Variants in ANKRD52 observed in about 807,000 individuals in gnomAD.
ANKRD52 encodes the protein serine/threonine-protein phosphatase 6 regulatory ankyrin repeat subunit C.
ANKRD52 carries 7 observed loss-of-function variants against 116.0 expected under a neutral mutation model. The ratio of observed to expected loss-of-function variants is 0.06; its 90% CI spans 0.03 to 0.11. The LOEUF is 0.11. Among genes scored for constraint, ANKRD52 ranks in the 10% least tolerant of loss-of-function variants. The pLI is 1.00. For missense variants in ANKRD52, 839 were observed against 1,408.6 expected (o/e 0.60, Z 6.47); for synonymous variants, 528 against 578.1 (o/e 0.91, Z 1.24).
At position 56,247,559 on chromosome 12, in the gene ANKRD52, C is replaced by G. The variant is rs537282082; in HGVS notation, c.2118G>C (p.Leu706=). Residue 706 remains leucine, a synonymous_variant, in exon 20 of 28, where the codon CTG becomes CTC. Transcript: ENST00000267116. ...IMNGHVDCVH[L]LLEKGSTADA... ...CAGCTGTGGATCCTTTCTCTAGCAG[C>G]AGATGTACACAGTCCACATGGCCAT... 1 of 1,596,452 alleles carries G rather than the reference C, an allele frequency of 6.3e-7. No individual in the cohort carries two copies. The highest frequency in any genetic ancestry group is 1.3e-5 in the African/African-American group (1 of 74,754).
Position 56,242,101 on chromosome 12 carries a change from G to A in ANKRD52, c.*1041C>T. 2.5e-6 allele frequency: 1 copy of A among 398,680 alleles called. No homozygotes were observed. The highest frequency in any genetic ancestry group is 4.4e-6 in the Non-Finnish European group (1 of 226,134). 24.7% of individuals were successfully genotyped at this position (398,680 alleles called of 1,614,324 possible). On this transcript the variant is annotated 3_prime_UTR_variant, in exon 28 of 28. Coordinates refer to ENST00000267116, the MANE Select transcript of ANKRD52 (RefSeq NM_173595.4). This position sits in a 1 kb window ranked among gnomAD's most constrained non-coding sequence, Gnocchi z 4.3. ...GTACTCTTGGACATAACGGAAGGTG[G>A]AGGCAGATAGGGAGCACAGATAAAC...
chr12:56,253,987 A>G lies in ANKRD52; in HGVS notation c.906+80T>C, dbSNP rs1343575501. The G allele has an allele frequency of 6.8e-5, 98 of 1,450,454 alleles. No homozygotes were observed. The highest frequency in any genetic ancestry group is 9.0e-5 in the Non-Finnish European group (95 of 1,049,784). 89.8% of individuals were successfully genotyped at this position (1,450,454 alleles called of 1,614,324 possible). On this transcript the variant is annotated intron_variant, in intron 8 of 27. Transcript: ENST00000267116. The surrounding 1 kb of genome is among the most constrained non-coding windows in gnomAD (Gnocchi z 5.5). ...TAGGAAGCAAGTGGATAATTCCCCA[A>G]GAGAGCTATCCAGATACAGTCAGGA...
At position 56,247,719 on chromosome 12, in the gene ANKRD52, A is replaced by G. The variant is rs1215280156; in HGVS notation, c.2034T>C (p.Ala678=). 9 of 1,612,540 alleles carry G rather than the reference A, an allele frequency of 5.6e-6. No homozygotes were observed. Residue 678 remains alanine (A), a synonymous_variant, in exon 19 of 28, where the codon GCT becomes GCC. Coordinates refer to ENST00000267116, the MANE Select transcript of ANKRD52 (RefSeq NM_173595.4). ...AGGCATCCATGACATCTGTGATGTC[A>G]GCTCGTTCCCCACTGTCGATCAGCA... The part of the protein sequence containing the change: ...LHLLIDSGER[A]DITDVMDAYG...
Position 56,252,566 on chromosome 12 carries a change from C to G in ANKRD52, c.1306G>C (p.Val436Leu), listed in dbSNP as rs779484647. 26 of 1,613,798 alleles carry G rather than the reference C, an allele frequency of 1.6e-5. No homozygotes were observed. The highest frequency in any genetic ancestry group is 2.1e-5 in the Non-Finnish European group (25 of 1,179,852). ...CLHAAASGGN[V>L]ECLNLLLSSG... ...CTCAACAGCAAATTAAGACATTCAA[C>G]ATTCCTAAAAGAAAGATGTGTTAAG... The change falls in exon 13 of 28, where the codon GTT becomes CTT. Residue 436 changes from valine to leucine, a missense_variant. Transcript: ENST00000267116. This position sits in a 1 kb window ranked among gnomAD's most constrained non-coding sequence, Gnocchi z 4.7.
rs1355981797 is a variant in ANKRD52, at chr12:56,240,047, C to T, written c.*3095G>A. On this transcript the variant is annotated 3_prime_UTR_variant, in exon 28 of 28. Transcript: ENST00000267116. The surrounding 1 kb of genome is among the most constrained non-coding windows in gnomAD (Gnocchi z 4.2). The stretch of plus-strand genomic sequence containing the variant: ...AGCACCAAACAAAAGGAGAAGCCCC[C>T]TCCCCCAGGGGCTGCTCCCCACCCC... The T allele has an allele frequency of 6.6e-6, 1 of 152,154 alleles. No individual in the cohort carries two copies. The highest frequency in any genetic ancestry group is 1.5e-5 in the Non-Finnish European group (1 of 68,094). The allele number at this position is 152,154 out of a possible 1,614,324, so 9.4% of individuals were successfully genotyped here.
Position 56,247,591 on chromosome 12 carries a change from T to C in ANKRD52, c.2086A>G (p.Ile696Val). The change falls in exon 20 of 28, where the codon ATC becomes GTC. Residue 696 changes from isoleucine to valine, a missense_variant. By Grantham distance (29) the Ile-to-Val change is conservative. Coordinates refer to ENST00000267116, the MANE Select transcript of ANKRD52 (RefSeq NM_173595.4). ...ACACAGTCCACATGGCCATTCATGA[T>C]GGCCAGCATCAGTGGGGTCCTACAG... ...AYGQTPLMLA[I>V]MNGHVDCVHL... The C allele has an allele frequency of 6.3e-7, 1 of 1,593,386 alleles. No homozygotes were observed. Among genetic ancestry groups the C allele is most frequent in the Non-Finnish European group, 8.6e-7 (1 of 1,169,116 alleles).
intron 15 of ANKRD52, among the ~76,000 whole-genome samples, chr12:56,251,056 T>G (rs1871664357): frequency 6.6e-6 from 1 of 152,064 alleles, no homozygotes; most frequent in African/African-American, 2.4e-5. Context: ...TTCTCCTGCC[T>G]TAGCCACCCG....
In ANKRD52 at chr12:56,242,852, T is replaced by A. The variant is rs1329009667; in HGVS notation, c.*290A>T. 2.7e-6 allele frequency: 1 copy of A among 377,068 alleles called. No homozygotes were observed. Among genetic ancestry groups the A allele is most frequent in the Non-Finnish European group, 4.8e-6 (1 of 208,322 alleles). The allele number at this position is 377,068 out of a possible 1,614,324, so 23.4% of individuals were successfully genotyped here. A position where few individuals can be genotyped will look rare whatever the true frequency, so the allele number is the denominator to read the frequency against. On this transcript the variant is annotated 3_prime_UTR_variant, in exon 28 of 28. Coordinates refer to ENST00000267116, the MANE Select transcript of ANKRD52 (RefSeq NM_173595.4). This position sits in a 1 kb window ranked among gnomAD's most constrained non-coding sequence, Gnocchi z 4.3. Reference sequence around the variant, plus strand: ...GCAGCAGAAAGAGGGAACCAAGAGATGGAGTCAAAGAGTGGGGGAGCCAGG... The same window carrying A: ...GCAGCAGAAAGAGGGAACCAAGAGAAGGAGTCAAAGAGTGGGGGAGCCAGG...
Position 56,244,759 on chromosome 12 carries a change from G to A in ANKRD52, c.2615C>T (p.Ser872Phe). 1 of 1,613,840 alleles carries A rather than the reference G, an allele frequency of 6.2e-7. No homozygotes were observed. The highest frequency in any genetic ancestry group is 8.5e-7 in the Non-Finnish European group (1 of 1,179,900). Residue 872 changes from serine to phenylalanine, a missense_variant, in exon 24 of 28, where the codon TCT becomes TTT. By Grantham distance (155) the Ser-to-Phe change is radical. Around this residue, in one of 2 missense-constraint regions of ANKRD52, gnomAD observed 552 missense variants for 810.6 expected, o/e 0.68. Transcript: ENST00000267116. The surrounding 1 kb of genome is among the most constrained non-coding windows in gnomAD (Gnocchi z 4.9). ...LHAAAFADNV[S>F]GLRMLLQHQA... ...ATGCTGCAGCAGCATCCGGAGCCCA[G>A]AGACATTGTCCGCGAAGGCAGCGGC...
rs1871729660 is a variant in ANKRD52, at chr12:56,252,126, G to C, written c.1512-31C>G. 7 of 1,613,946 alleles carry C rather than the reference G, an allele frequency of 4.3e-6. No homozygotes were observed. Among genetic ancestry groups the C allele is most frequent in the Non-Finnish European group, 5.1e-6 (6 of 1,179,842 alleles). On this transcript the variant is annotated intron_variant, in intron 14 of 27. Coordinates refer to ENST00000267116, the MANE Select transcript of ANKRD52 (RefSeq NM_173595.4). This position sits in a 1 kb window ranked among gnomAD's most constrained non-coding sequence, Gnocchi z 4.7. ...GAAGAGAGAGAGAAAGTTAGGGCCA[G>C]GCTCAGGGAGGTGAATGGGGCTGAG...
intron 20 of ANKRD52, 33 bp downstream of exon 20, chr12:56,247,460 T>A: frequency 2.6e-6 from 4 of 1,525,726 alleles, no homozygotes; most frequent in Non-Finnish European, 3.6e-6. Context: ...CTGAGGCCCA[T>A]GTGCAAACAA....
At chr12:56,249,386 T>C (rs1286258308) in intron 15 of ANKRD52, among the ~76,000 whole-genome samples, 1 of 152,164 alleles carries the variant, frequency 6.6e-6, no homozygotes, top group Non-Finnish European at 1.5e-5. Flanking sequence ...AATAATAAAG[T>C]AGCACTTACT....
At chr12:56,250,128 T>C (rs1049057756) in intron 15 of ANKRD52, among the ~76,000 whole-genome samples, 2 of 151,842 alleles carry the variant, frequency 1.3e-5, no homozygotes, top group African/African-American at 2.4e-5. Context: ...ACCCCGGAGG[T>C]AGAGGTTGCA....
In ANKRD52 at chr12:56,254,161, T is replaced by C. The variant is rs575617322; in HGVS notation, c.812A>G (p.Lys271Arg). 1 of 1,613,926 alleles carries C rather than the reference T, an allele frequency of 6.2e-7. No individual in the cohort carries two copies. Among genetic ancestry groups the C allele is most frequent in the South Asian group, 1.1e-5 (1 of 91,078 alleles). The change falls in exon 8 of 28, where the codon AAG (lysine) becomes AGG (arginine). Residue 271 changes from lysine (K) to arginine (R), a missense_variant. By Grantham distance (26) the Lys-to-Arg change is conservative (BLOSUM62 2). This residue lies in a region of ANKRD52 where 287 missense variants were observed against 598.1 expected (regional missense o/e 0.48). Coordinates refer to ENST00000267116, the MANE Select transcript of ANKRD52 (RefSeq NM_173595.4). The surrounding 1 kb of genome is among the most constrained non-coding windows in gnomAD (Gnocchi z 4.6). Reference sequence around the variant, plus strand: ...AGCCACATGCAGTGGCGTGAAGCCCTTGTCATTCGGCTGGTTGACATTGGC... The same window carrying C: ...AGCCACATGCAGTGGCGTGAAGCCCCTGTCATTCGGCTGGTTGACATTGGC... ...AGANVNQPND[K>R]GFTPLHVAAV...
rs984518144 is a variant in ANKRD52, at chr12:56,258,336, G to T, written c.-67C>A. 6.8e-6 allele frequency: 10 copies of T among 1,467,990 alleles called. No individual in the cohort carries two copies. In the South Asian group the frequency reaches 9.4e-5, roughly 14 times the overall value. 90.9% of individuals were successfully genotyped at this position (1,467,990 alleles called of 1,614,324 possible). On this transcript the variant is annotated 5_prime_UTR_variant, in exon 1 of 28. Coordinates refer to ENST00000267116, the MANE Select transcript of ANKRD52 (RefSeq NM_173595.4). Reference sequence around the variant, plus strand: ...GCGGCGGCGGCTCCACCGGGGACACGGAGCGGCCCAGGCGGCGGCTGCGGT... The same window carrying T: ...GCGGCGGCGGCTCCACCGGGGACACTGAGCGGCCCAGGCGGCGGCTGCGGT...
rs541216948 is a variant in ANKRD52, at chr12:56,251,538, G to A, written c.1592+477C>T. ...TAGGATTACAAGCTTGAGCCACTAC[G>A]CCCAGCCTCATCTTTTATCCTTAGT... On this transcript the variant is annotated intron_variant, in intron 15 of 27. Coordinates refer to ENST00000267116, the MANE Select transcript of ANKRD52 (RefSeq NM_173595.4). Among the ~76,000 whole-genome samples, 136 of 152,074 alleles carry A rather than the reference G, an allele frequency of 8.9e-4. 1 individual carries two copies. The highest frequency in any genetic ancestry group is 2.4e-3 in the Admixed American group (36 of 15,266).
intron 20 of ANKRD52, 128 bp downstream of exon 20, chr12:56,247,363 AAG>A: frequency 1.3e-6 from 1 of 766,844 alleles, no homozygotes; most frequent in Non-Finnish European, 2.0e-6. Context: ...AAAAAAAAAA[AAG>A]AAAAAGAAAA....
Position 56,237,917 on chromosome 12 carries a change from G to A in ANKRD52, c.*5225C>T. ...CCAGAGTGTGGTGGGAGGACCCGAA[G>A]CCGGTTGGGGGAGGATGTGAGTAGG... On this transcript the variant is annotated 3_prime_UTR_variant, in exon 28 of 28. Transcript: ENST00000267116. 1.4e-6 allele frequency: 1 copy of A among 697,536 alleles called. No individual in the cohort carries two copies. The highest frequency in any genetic ancestry group is 3.6e-5 in the Admixed American group (1 of 27,984). 43.2% of individuals were successfully genotyped at this position (697,536 alleles called of 1,614,324 possible). A position where few individuals can be genotyped will look rare whatever the true frequency, so the allele number is the denominator to read the frequency against.
chr12:56,243,928 C>T lies in ANKRD52; in HGVS notation c.2889-52G>A, dbSNP rs375967821. The T allele has an allele frequency of 1.7e-4, 269 of 1,596,040 alleles. 1 individual carries two copies. Among genetic ancestry groups the T allele is most frequent in the Non-Finnish European group, 2.5e-5 (29 of 1,170,138 alleles). ...TTGATGCTAAGCTGCCCTTCCACCT[C>T]CAGACAGGGTGGCAAGGGTGCTGAA... is the stretch of plus-strand genomic sequence containing the variant. On this transcript the variant is annotated intron_variant, in intron 26 of 27. Transcript: ENST00000267116. The surrounding 1 kb of genome is among the most constrained non-coding windows in gnomAD (Gnocchi z 4.6).
Sources: allele counts gnomAD v4.1 joint callset (sites outside exome capture counted in the v4.1 genomes callset), GRCh38; gene constraint gnomAD v4.1.1; regional missense constraint gnomAD v4.1.1; non-coding constraint Gnocchi (gnomAD v3.1); transcripts MANE v1.5; gene names NCBI Gene and HGNC (gene_info 2026-07-23, HGNC 2026-07-21).